The following RNLS variants were observed in gnomAD, a reference collection of about 807,000 sequenced individuals.
The protein encoded by RNLS is renalase, FAD dependent amine oxidase, also known as renalase.
A neutral mutation model predicts 39.8 loss-of-function variants in RNLS; 39 were observed. The observed-to-expected ratio is 0.98, with a 90% CI of 0.76 to 1.28. The LOEUF (loss-of-function observed/expected upper bound fraction) is 1.28, where lower values mean the gene tolerates loss of function less well. Ranked by LOEUF, RNLS falls within the 50% of genes most tolerant of loss-of-function variation. The pLI is 0.00. For missense variants in RNLS, 410 were observed against 413.3 expected, an observed-to-expected ratio of 0.99 and a Z score of 0.07; for synonymous variants, 147 against 150.7, an observed-to-expected ratio of 0.98 and a Z score of 0.18.
intron 4 of RNLS, among the ~76,000 whole-genome samples, chr10:88,371,760 C>G (rs1276720395): frequency 6.6e-6 from 1 of 152,116 alleles, no homozygotes; most frequent in Non-Finnish European, 1.5e-5. Flanking sequence ...TGTTTTTACA[C>G]TCGTGTTTAT....
At chr10:88,392,761 T>C (rs1324591026) in intron 4 of RNLS, among the ~76,000 whole-genome samples, 3 of 152,102 alleles carry the variant, frequency 2.0e-5, no homozygotes, top group Non-Finnish European at 4.4e-5. Flanking sequence ...TCAAAGAAAC[T>C]AAAAGTATGG....
At chr10:88,256,615 A>G in the RNLS span, among the ~76,000 whole-genome samples, 1 of 152,208 alleles carries the variant, frequency 6.6e-6, no homozygotes, top group African/African-American at 2.4e-5. Context: ...AATTGTTGCC[A>G]AGATAAACAT....
intron 6 of RNLS, among the ~76,000 whole-genome samples, chr10:88,313,460 A>G (rs1364240343): frequency 2.6e-5 from 4 of 152,256 alleles, no homozygotes; most frequent in Admixed American, 1.3e-4. Flanking sequence ...AAAGTCTTCT[A>G]AAGTGACCAT....
chr10:88,224,042 A>G, the RNLS span, among the ~76,000 whole-genome samples: 137 of 152,236 alleles, frequency 9.0e-4, no homozygotes, highest in African/African-American at 3.1e-3. Context: ...ACTCAGAAAA[A>G]AAAAAAAAAA....
At chr10:88,207,264 T>C in the RNLS span, among the ~76,000 whole-genome samples, 1 of 152,022 alleles carries the variant, frequency 6.6e-6, no homozygotes, top group South Asian at 2.1e-4. Context: ...GCAGAAATAT[T>C]TGAAAACCAC....
At chr10:88,568,140 CAG>C (rs1270043817) in intron 4 of RNLS, among the ~76,000 whole-genome samples, 1 of 152,128 alleles carries the variant, frequency 6.6e-6, no homozygotes, top group Non-Finnish European at 1.5e-5. Flanking sequence ...ACTGACAAAA[CAG>C]AGCCACAAAA....
intron 4 of RNLS, among the ~76,000 whole-genome samples, chr10:88,518,399 A>T (rs1434211700): frequency 3.3e-5 from 5 of 151,932 alleles, no homozygotes; most frequent in Non-Finnish European, 5.9e-5. Flanking sequence ...CATCAATATG[A>T]AAAAAAGGAT....
chr10:88,446,686 C>A (rs1025305047), intron 4 of RNLS, among the ~76,000 whole-genome samples: 7 of 152,114 alleles, frequency 4.6e-5, no homozygotes, highest in Admixed American at 1.3e-4. Context: ...CTATAAACAC[C>A]TCTACCTGGC....
rs1213280374 is a variant in RNLS, at chr10:88,384,873, T to C, written c.527-22148A>G. Among the ~76,000 whole-genome samples the C allele has an allele frequency of 3.3e-5, 5 of 152,260 alleles. No individual in the cohort carries two copies. The East Asian group carries it at 9.6e-4, about 29-fold the overall frequency. On this transcript the variant is annotated intron_variant, in intron 4 of 6. Transcript: ENST00000331772. ...TAACTATTACATTTAAATGTGACTATTGCAGATGTACTAAGTAGTTGAGAA... is the reference window on the plus strand; with the variant it reads ...TAACTATTACATTTAAATGTGACTACTGCAGATGTACTAAGTAGTTGAGAA...
chr10:88,172,607 T>C, the RNLS span, among the ~76,000 whole-genome samples: 2 of 152,132 alleles, frequency 1.3e-5, no homozygotes, highest in Non-Finnish European at 2.9e-5. Context: ...TGCAAATATT[T>C]TCTCTCATTC....
At chr10:88,282,853 T>C (rs891827007), downstream of RNLS, among the ~76,000 whole-genome samples, 1 of 152,192 alleles carries the variant, frequency 6.6e-6, no homozygotes, top group African/African-American at 2.4e-5. Flanking sequence ...CACTGCATCA[T>C]AAAGTTTTAT....
At chr10:88,477,036 C>A (rs112522217) in intron 4 of RNLS, among the ~76,000 whole-genome samples, 6 of 150,262 alleles carry the variant, frequency 4.0e-5, no homozygotes, top group African/African-American at 1.5e-4. Flanking sequence ...AGCAGTTGAT[C>A]TGCTATATTA....
At chr10:88,564,436 T>TG (rs1294409641) in intron 4 of RNLS, among the ~76,000 whole-genome samples, 2 of 151,164 alleles carry the variant, frequency 1.3e-5, no homozygotes, top group Non-Finnish European at 2.9e-5. Context: ...AATCAGAGGG[T>TG]GGGGGGTGGA....
chr10:88,338,916 C>A (rs1847719194), intron 5 of RNLS, among the ~76,000 whole-genome samples: 4 of 152,190 alleles, frequency 2.6e-5, no homozygotes, highest in Admixed American at 6.5e-5. Context: ...CGCCCGCCAC[C>A]ATGCCTGGCT....
chr10:88,576,139 T>C (rs537941961), intron 3 of RNLS, among the ~76,000 whole-genome samples: 2 of 152,328 alleles, frequency 1.3e-5, no homozygotes, highest in South Asian at 4.1e-4. Context: ...GTCCTTTTAT[T>C]GTAAGTTCTC....
rs569421255 is a variant in RNLS at position 88,365,633 on chromosome 10, CTA to C, written c.527-2910_527-2909del. On this transcript the variant is annotated intron_variant, in intron 4 of 6. Coordinates refer to ENST00000331772, the MANE Select transcript of RNLS (RefSeq NM_001031709.3). ...ACATAATATAAAATATATTTTATGA[CTA>C]TGAGTAAAATGGCTAAAAATTGTAG... is the stretch of plus-strand genomic sequence containing the variant. 1.9e-4 allele frequency among the ~76,000 whole-genome samples: 29 copies of C among 151,448 alleles called. 1 individual carries two copies. In the South Asian group the frequency reaches 5.6e-3, roughly 29 times the overall value.
intron 4 of RNLS, among the ~76,000 whole-genome samples, chr10:88,489,425 C>T (rs745585293): frequency 3.9e-5 from 6 of 152,158 alleles, no homozygotes; most frequent in Admixed American, 6.6e-5. Flanking sequence ...CCCAGGTACT[C>T]GGACCCTAGC....
intron 5 of RNLS, among the ~76,000 whole-genome samples, chr10:88,319,599 T>G (rs2133083999): frequency 6.6e-6 from 1 of 151,962 alleles, no homozygotes; most frequent in Middle Eastern, 3.4e-3. Flanking sequence ...CCCAAACAAT[T>G]AGAACTTCTG....
Position 88,573,022 on chromosome 10 carries a change from T to C in RNLS, c.407A>G (p.Asn136Ser). 6.2e-7 allele frequency: 1 copy of C among 1,614,042 alleles called. No individual in the cohort carries two copies. The highest frequency in any genetic ancestry group is 8.5e-7 in the Non-Finnish European group (1 of 1,179,930). The change falls in exon 4 of 7, where the codon AAC (asparagine) becomes AGC (serine). Residue 136 changes from asparagine to serine, a missense_variant. Coordinates refer to ENST00000331772, the MANE Select transcript of RNLS (RefSeq NM_001031709.3). ...VYFRHRVTQI[N>S]LRDDKWEVSK... is the part of the protein sequence containing the mutation. ...TACTTCCCATTTGTCATCTCTTAGG[T>C]TGATCTGTGTCACACGATGTCTGAA...
Sources: allele counts gnomAD v4.1 joint callset (sites outside exome capture counted in the v4.1 genomes callset), GRCh38; gene constraint gnomAD v4.1.1; transcripts MANE v1.5; gene names NCBI Gene and HGNC (gene_info 2026-07-23, HGNC 2026-07-21).